The following RTL4 variants were observed in gnomAD, a reference collection of about 807,000 sequenced individuals.
RTL4 encodes the protein retrotransposon Gag-like protein 4.
RTL4 carries 4 observed loss-of-function variants against 5.3 expected under a neutral mutation model. That is an observed-to-expected ratio of 0.75 (90% CI 0.37 to 1.72). The LOEUF (loss-of-function observed/expected upper bound fraction) is 1.72. Among genes scored for constraint, RTL4 ranks in the 40% most tolerant of loss-of-function variants. The probability of loss-of-function intolerance (pLI) is 0.04; values close to 1 mark genes in which losing one functional copy is unlikely to be tolerated. For missense variants in RTL4, 260 were observed against 227.1 expected, an observed-to-expected ratio of 1.14 and a Z score of -0.93; for synonymous variants, 98 against 87.3, an observed-to-expected ratio of 1.12 and a Z score of -0.68.
chrX:112,357,013 G>A, the RTL4 span, among the ~76,000 whole-genome samples: 2 of 111,430 alleles, frequency 1.8e-5, no homozygotes, highest in African/African-American at 3.3e-5. Flanking sequence ...TACTCTTTTG[G>A]TGACAGAAAG....
chrX:112,134,397 C>T, the RTL4 span, among the ~76,000 whole-genome samples: 2 of 112,192 alleles, frequency 1.8e-5, no homozygotes, highest in South Asian at 7.3e-4. Context: ...TCCTTACTCC[C>T]ATGATTTTAA....
At chrX:112,089,283 T>C in the RTL4 span, among the ~76,000 whole-genome samples, 1 of 111,301 alleles carries the variant, frequency 9.0e-6, no homozygotes, top group Non-Finnish European at 1.9e-5. Flanking sequence ...TTTCTTTTGT[T>C]ACTTATGCTT....
chrX:112,268,224 G>A, the RTL4 span, among the ~76,000 whole-genome samples: 4 of 111,429 alleles, frequency 3.6e-5, no homozygotes, highest in Admixed American at 9.6e-5. Flanking sequence ...CTCCTGACTC[G>A]TTTTACAACA....
chrX:112,271,543 G>A, the RTL4 span, among the ~76,000 whole-genome samples: 1 of 111,551 alleles, frequency 9.0e-6, no homozygotes, highest in Admixed American at 9.5e-5. Flanking sequence ...AACTGAGGGG[G>A]AAAGCTCTGA....
chrX:112,432,282 T>A, the RTL4 span, among the ~76,000 whole-genome samples: 1 of 96,761 alleles, frequency 1.0e-5, no homozygotes, highest in Non-Finnish European at 2.1e-5. Flanking sequence ...TATTTCTAAT[T>A]CTAGATCCCT....
the RTL4 span, among the ~76,000 whole-genome samples, chrX:112,103,880 CAT>C: frequency 3.6e-5 from 4 of 111,130 alleles, no homozygotes; most frequent in Non-Finnish European, 5.7e-5. Flanking sequence ...TGCATTACCT[CAT>C]ATATGTATCA....
At chrX:112,422,007 C>A in the RTL4 span, among the ~76,000 whole-genome samples, 22 of 111,685 alleles carry the variant, frequency 2.0e-4, no homozygotes, top group African/African-American at 7.1e-4. Context: ...ATTGAAGAAA[C>A]AGATGGATCA....
At chrX:112,373,888 G>A in the RTL4 span, among the ~76,000 whole-genome samples, 10 of 110,339 alleles carry the variant, frequency 9.1e-5, no homozygotes, top group South Asian at 3.8e-4. Context: ...GGTATGTTTT[G>A]TTTCTTTATT....
the RTL4 span, among the ~76,000 whole-genome samples, chrX:112,084,045 C>G: frequency 9.0e-6 from 1 of 111,607 alleles, no homozygotes; most frequent in Non-Finnish European, 1.9e-5. Flanking sequence ...ATCCCTAGCT[C>G]TGAGAAAACT....
the RTL4 span, among the ~76,000 whole-genome samples, chrX:112,090,642 T>C: frequency 4.5e-5 from 5 of 111,468 alleles, no homozygotes; most frequent in African/African-American, 1.6e-4. Context: ...TGACTAGATT[T>C]GGTTTACTAG....
chrX:112,322,305 A>G, the RTL4 span, among the ~76,000 whole-genome samples: 2 of 111,037 alleles, frequency 1.8e-5, no homozygotes, highest in Non-Finnish European at 3.8e-5. Context: ...AAGTAAGATA[A>G]GGACATCATC....
chrX:112,121,358 G>A, the RTL4 span, among the ~76,000 whole-genome samples: 3 of 111,609 alleles, frequency 2.7e-5, no homozygotes, highest in Non-Finnish European at 3.8e-5. Flanking sequence ...ATAATTTTAT[G>A]AAGTACCTTA....
chrX:112,321,209 T>C, the RTL4 span, among the ~76,000 whole-genome samples: 1 of 111,620 alleles, frequency 9.0e-6, no homozygotes. Flanking sequence ...TATTCTGAGG[T>C]TCCTCCCACC....
chrX:112,432,281 T>G, the RTL4 span, among the ~76,000 whole-genome samples: 1 of 97,129 alleles, frequency 1.0e-5, no homozygotes, highest in Non-Finnish European at 2.1e-5. Context: ...GTATTTCTAA[T>G]TCTAGATCCC....
the RTL4 span, among the ~76,000 whole-genome samples, chrX:112,355,610 T>A: frequency 9.0e-6 from 1 of 111,126 alleles, no homozygotes; most frequent in Non-Finnish European, 1.9e-5. Flanking sequence ...ATGGGCCACC[T>A]CAGAAAAGCC....
the RTL4 span, among the ~76,000 whole-genome samples, chrX:112,211,871 A>T: frequency 8.9e-6 from 1 of 112,258 alleles, no homozygotes; most frequent in Admixed American, 9.4e-5. Flanking sequence ...GAATGATGAA[A>T]CAAATAAAAT....
the RTL4 span, among the ~76,000 whole-genome samples, chrX:112,254,778 T>G: frequency 1.8e-5 from 2 of 111,147 alleles, no homozygotes; most frequent in Non-Finnish European, 3.8e-5. Context: ...TAAAAGATAA[T>G]TTTCAGAAAA....
At chrX:112,281,221 A>G in the RTL4 span, among the ~76,000 whole-genome samples, 1 of 111,786 alleles carries the variant, frequency 8.9e-6, no homozygotes, top group Non-Finnish European at 1.9e-5. Context: ...GATTCAACAT[A>G]TGAGTTTGAT....
chrX:112,141,089 C>A, the RTL4 span, among the ~76,000 whole-genome samples: 1 of 112,052 alleles, frequency 8.9e-6, no homozygotes, highest in African/African-American at 3.2e-5. Flanking sequence ...TCTCTAATTT[C>A]TCTCAGCAAT....
Sources: gnomAD v4.1 joint callset for allele counts (sites outside exome capture counted in the v4.1 genomes callset) on GRCh38, gnomAD v4.1.1 for gene constraint, MANE v1.5 for transcripts, NCBI Gene and HGNC (gene_info 2026-07-23, HGNC 2026-07-21) for gene names.